Variants in ARHGAP24 observed in about 807,000 individuals in gnomAD.
ARHGAP24 encodes the protein Rho GTPase activating protein 24, also known as rho GTPase-activating protein 24.
In ARHGAP24, 50 loss-of-function variants were observed where a neutral mutation model predicts 76.4. The ratio of observed to expected loss-of-function variants is 0.65; its 90% confidence interval spans 0.52 to 0.83. The LOEUF is 0.83. ARHGAP24 is among the 40% of genes least tolerant of loss of function. ARHGAP24 has a pLI of 0.00. For synonymous variants in ARHGAP24, 345 were observed against 323.3 expected, an observed-to-expected ratio of 1.07 and a Z score of -0.72; for missense variants, 930 against 914.2, an observed-to-expected ratio of 1.02 and a Z score of -0.22.
chr4:85,911,783 G>T (rs1045335398), intron 3 of ARHGAP24, among the ~76,000 whole-genome samples: 22 of 152,162 alleles, frequency 1.4e-4, no homozygotes, highest in African/African-American at 5.3e-4. Context: ...ACCTGCAAAT[G>T]ATTATTGGGA....
chr4:85,959,330 A>G (rs990706195), intron 5 of ARHGAP24, among the ~76,000 whole-genome samples: 3 of 152,100 alleles, frequency 2.0e-5, no homozygotes. Flanking sequence ...TGGCCTCTTT[A>G]CTACAACCTG....
intron 2 of ARHGAP24, among the ~76,000 whole-genome samples, chr4:85,664,716 T>C (rs1193343851): frequency 1.3e-5 from 2 of 151,528 alleles, no homozygotes; most frequent in Non-Finnish European, 2.9e-5. Context: ...TGTTGTGTCT[T>C]TGTTCTCGTT....
intron 3 of ARHGAP24, among the ~76,000 whole-genome samples, chr4:85,831,838 G>A (rs1248191313): frequency 5.9e-5 from 9 of 151,676 alleles, no homozygotes; most frequent in Non-Finnish European, 1.2e-4. Flanking sequence ...GGAAGTCAAG[G>A]CTGCAGTGAG....
At chr4:85,896,543 C>A (rs2148785817) in intron 3 of ARHGAP24, among the ~76,000 whole-genome samples, 1 of 152,270 alleles carries the variant, frequency 6.6e-6, no homozygotes, top group African/African-American at 2.4e-5. Flanking sequence ...ATGCTGGATT[C>A]TTCTTCTTGA....
chr4:85,866,381 C>T (rs1457402253), intron 3 of ARHGAP24, among the ~76,000 whole-genome samples: 1 of 152,014 alleles, frequency 6.6e-6, no homozygotes, highest in African/African-American at 2.4e-5. Context: ...CTTAAAGGGG[C>T]ATTTCCTTGG....
intron 2 of ARHGAP24, among the ~76,000 whole-genome samples, chr4:85,577,761 G>A (rs1053851542): frequency 2.0e-5 from 3 of 152,140 alleles, no homozygotes; most frequent in African/African-American, 7.2e-5. Flanking sequence ...CCACTTCAAG[G>A]TTCAGGGAGA....
intron 2 of ARHGAP24, among the ~76,000 whole-genome samples, chr4:85,720,871 T>A (rs758140394): frequency 6.6e-6 from 1 of 152,106 alleles, no homozygotes; most frequent in Admixed American, 6.6e-5. Context: ...GAAAGTCAAG[T>A]CACTGAAAAG....
At chr4:85,975,204 C>G (rs932395158) in intron 7 of ARHGAP24, among the ~76,000 whole-genome samples, 5 of 152,128 alleles carry the variant, frequency 3.3e-5, no homozygotes, top group African/African-American at 1.2e-4. Flanking sequence ...TTGTTTTGAA[C>G]TTCAATCAAG....
At chr4:85,687,724 A>C (rs2110015210) in intron 2 of ARHGAP24, among the ~76,000 whole-genome samples, 2 of 151,756 alleles carry the variant, frequency 1.3e-5, no homozygotes, top group East Asian at 3.9e-4. Flanking sequence ...ATGCAATTGC[A>C]TGGTTTTTTT....
chr4:85,513,044 G>A (rs1268122232), intron 1 of ARHGAP24, among the ~76,000 whole-genome samples: 1 of 152,214 alleles, frequency 6.6e-6, no homozygotes, highest in East Asian at 1.9e-4. Flanking sequence ...TTTCTGCCTT[G>A]TGAATCGTAG....
At chr4:85,552,017 T>C (rs1315556660) in intron 1 of ARHGAP24, among the ~76,000 whole-genome samples, 1 of 152,202 alleles carries the variant, frequency 6.6e-6, no homozygotes, top group Non-Finnish European at 1.5e-5. Context: ...AGTCTTGATT[T>C]CCTTAAGTTC....
At chr4:85,967,105 A>G (rs912070137) in intron 5 of ARHGAP24, among the ~76,000 whole-genome samples, 1 of 152,126 alleles carries the variant, frequency 6.6e-6, no homozygotes, top group Non-Finnish European at 1.5e-5. Flanking sequence ...ACACTCCTTT[A>G]TCCTTGTTCA....
chr4:85,693,876 GC>G (rs1723768999), intron 2 of ARHGAP24, among the ~76,000 whole-genome samples: 1 of 152,180 alleles, frequency 6.6e-6, no homozygotes, highest in Non-Finnish European at 1.5e-5. Flanking sequence ...GCCTGCTGAA[GC>G]CCTGTCTCTG....
intron 2 of ARHGAP24, among the ~76,000 whole-genome samples, chr4:85,601,261 A>G (rs1720019586): frequency 2.0e-5 from 3 of 152,210 alleles, no homozygotes. Flanking sequence ...TCTGTATAAT[A>G]GGTGCTCAAT....
intron 3 of ARHGAP24, among the ~76,000 whole-genome samples, chr4:85,859,864 C>A (rs1433131438): frequency 3.3e-5 from 5 of 152,018 alleles, no homozygotes; most frequent in Non-Finnish European, 5.9e-5. Flanking sequence ...ATGTTTCAGT[C>A]TCCAGGGTAG....
chr4:85,898,327 T>C (rs566229703), intron 3 of ARHGAP24, among the ~76,000 whole-genome samples: 24 of 152,228 alleles, frequency 1.6e-4, no homozygotes, highest in Non-Finnish European at 3.1e-4. Context: ...AATGTGACTG[T>C]TAGTCAACAG....
chr4:86,001,250 T>C lies in ARHGAP24; in HGVS notation c.*528T>C, dbSNP rs1191358176. 19 of 399,102 alleles carry C rather than the reference T, an allele frequency of 4.8e-5. No homozygotes were observed. Among genetic ancestry groups the C allele is most frequent in the East Asian group, 4.6e-4 (13 of 28,088 alleles). The allele number at this position is 399,102 out of a possible 1,614,324, so 24.7% of individuals were successfully genotyped here. On this transcript the variant is annotated 3_prime_UTR_variant, in exon 10 of 10. Coordinates refer to ENST00000395184, the MANE Select transcript of ARHGAP24 (RefSeq NM_001025616.3). ...TTTGTGGCTGTGCTGTTTGTGCCAA[T>C]AGACTTTGTCATGACCAAAAAGAGA...
chr4:85,983,790 C>T (rs1183924207), intron 8 of ARHGAP24, among the ~76,000 whole-genome samples: 3 of 152,154 alleles, frequency 2.0e-5, no homozygotes, highest in Admixed American at 2.0e-4. Context: ...CTTCTTCTGC[C>T]CTTCCTCATT....
At chr4:85,772,365 G>T (rs1405237147) in intron 3 of ARHGAP24, among the ~76,000 whole-genome samples, 1 of 152,144 alleles carries the variant, frequency 6.6e-6, no homozygotes, top group Admixed American at 6.5e-5. Flanking sequence ...TCCACAGGGG[G>T]TATAAAATAT....
Sources: gnomAD v4.1 joint callset for allele counts (sites outside exome capture counted in the v4.1 genomes callset) on GRCh38, gnomAD v4.1.1 for gene constraint, MANE v1.5 for transcripts, NCBI Gene and HGNC (gene_info 2026-07-23, HGNC 2026-07-21) for gene names.